DERPC: variants seen among roughly 807,000 people sequenced by gnomAD.
The protein encoded by DERPC is DERPC proline and glycine rich nuclear protein.
DERPC carries 1 observed loss-of-function variant against 7.2 expected under a neutral mutation model. The ratio of observed to expected loss-of-function variants is 0.14; its 90% CI spans 0.05 to 0.66. DERPC has a LOEUF of 0.66. Ranked by LOEUF, DERPC falls within the 30% of genes least tolerant of loss-of-function variation. The pLI, the probability that DERPC is intolerant of heterozygous loss-of-function variation, is 0.84. For synonymous variants in DERPC, 185 were observed against 117.6 expected (o/e 1.57, Z -3.71); for missense variants, 502 against 299.4 (o/e 1.68, Z -4.99).
chr16:69,118,066 C>A lies in DERPC; in HGVS notation c.*788G>T. 2.1e-6 allele frequency: 1 copy of A among 478,388 alleles called. No homozygotes were observed. The highest frequency in any genetic ancestry group is 2.7e-5 in the South Asian group (1 of 36,692). The allele number at this position is 478,388 out of a possible 1,614,324, so 29.6% of individuals were successfully genotyped here. On this transcript the variant is annotated 3_prime_UTR_variant, in exon 3 of 3. Coordinates refer to ENST00000519520, the MANE Select transcript of DERPC (RefSeq NM_001002847.4). The stretch of plus-strand genomic sequence containing the variant: ...AAGAAAAGATACAATGCAGGAAAAC[C>A]ACCAACCATCCTTGCACACCAGGCC...
chr16:69,130,930 C>G (rs1419006454), intron 1 of DERPC, among the ~76,000 whole-genome samples: 1 of 152,176 alleles, frequency 6.6e-6, no homozygotes, highest in East Asian at 1.9e-4. Flanking sequence ...GGTAATTTCT[C>G]TAAATATGAT....
chr16:69,124,893 G>A (rs1341448464), intron 1 of DERPC, among the ~76,000 whole-genome samples: 2 of 151,796 alleles, frequency 1.3e-5, no homozygotes, highest in African/African-American at 4.8e-5. Context: ...TTGGGAACAT[G>A]AAATTGGTCA....
chr16:69,130,853 CA>C (rs1266765721), intron 1 of DERPC, among the ~76,000 whole-genome samples: 2 of 152,188 alleles, frequency 1.3e-5, no homozygotes, highest in Non-Finnish European at 2.9e-5. Context: ...ATCAAGTTTT[CA>C]TAACAGTAGA....
intron 1 of DERPC, among the ~76,000 whole-genome samples, chr16:69,121,897 C>T (rs972746007): frequency 3.9e-5 from 6 of 152,188 alleles, no homozygotes; most frequent in Admixed American, 2.0e-4. Flanking sequence ...TCTCGATCTC[C>T]TGACCTCGTG....
At chr16:69,122,665 C>G in intron 1 of DERPC, among the ~76,000 whole-genome samples, 1 of 151,904 alleles carries the variant, frequency 6.6e-6, no homozygotes, top group Non-Finnish European at 1.5e-5. Context: ...TTCAGCCTCC[C>G]GAGCAGCTGG....
At position 69,118,329 on chromosome 16, in the gene DERPC, G is replaced by A. The variant is rs1961320769; in HGVS notation, c.*525C>T. The A allele has an allele frequency of 7.3e-7, 1 of 1,378,962 alleles. No homozygotes were observed. The highest frequency in any genetic ancestry group is 1.4e-5 in the African/African-American group (1 of 70,396). The allele number at this position is 1,378,962 out of a possible 1,614,324, so 85.4% of individuals were successfully genotyped here. A position where few individuals can be genotyped will look rare whatever the true frequency, so the allele number is the denominator to read the frequency against. ...CGGTGGGTCTTTCTTTGAAGTGGTT[G>A]TCCATCTCCCTGTTCTGTGTTCAAG... On this transcript the variant is annotated 3_prime_UTR_variant, in exon 3 of 3. Transcript: ENST00000519520.
intron 1 of DERPC, among the ~76,000 whole-genome samples, chr16:69,126,724 T>C (rs1962085588): frequency 6.6e-6 from 1 of 152,216 alleles, no homozygotes; most frequent in Admixed American, 6.5e-5. Context: ...TTACTACTAG[T>C]CAGGAACGTA....
intron 1 of DERPC, chr16:69,132,238 C>G (rs1962598386): frequency 6.7e-6 from 1 of 150,034 alleles, no homozygotes; most frequent in Non-Finnish European, 1.5e-5. Context: ...ACTCCTGGCC[C>G]TCCCACCCCG....
chr16:69,122,597 G>A (rs937130338), intron 1 of DERPC, among the ~76,000 whole-genome samples: 1 of 150,214 alleles, frequency 6.7e-6, no homozygotes, highest in Non-Finnish European at 1.5e-5. Context: ...CTGGAGTGCA[G>A]TGGCATGATC....
chr16:69,118,253 G>C lies in DERPC; in HGVS notation c.*601C>G. The stretch of plus-strand genomic sequence containing the variant: ...GGGCCTTAAATCTGGCCACCTCTAA[G>C]TCCCAGGAGAAGGGAGCTGCAGGCC... On this transcript the variant is annotated 3_prime_UTR_variant, in exon 3 of 3. Transcript: ENST00000519520. 1 of 751,704 alleles carries C rather than the reference G, an allele frequency of 1.3e-6. No individual in the cohort carries two copies. Among genetic ancestry groups the C allele is most frequent in the East Asian group, 2.7e-5 (1 of 36,920 alleles). 46.6% of individuals were successfully genotyped at this position (751,704 alleles called of 1,614,324 possible).
In DERPC at chr16:69,118,749, A is replaced by G. The variant is rs1380796331; in HGVS notation, c.*105T>C. 17 of 639,440 alleles carry G rather than the reference A, an allele frequency of 2.7e-5. No homozygotes were observed. The East Asian group carries it at 4.6e-4, about 17-fold the overall frequency. The allele number at this position is 639,440 out of a possible 1,614,324, so 39.6% of individuals were successfully genotyped here. Reference sequence around the variant, plus strand: ...GCTCATTTGAACTTGAGCCCAAGCTATGTTCTTCAGACTGTAGCTCCACAA... The same window carrying G: ...GCTCATTTGAACTTGAGCCCAAGCTGTGTTCTTCAGACTGTAGCTCCACAA... On this transcript the variant is annotated 3_prime_UTR_variant, in exon 3 of 3. Coordinates refer to ENST00000519520, the MANE Select transcript of DERPC (RefSeq NM_001002847.4).
rs148554708 is a variant in DERPC at position 69,122,264 on chromosome 16, G to C, written c.-279-771C>G. On this transcript the variant is annotated intron_variant, in intron 1 of 2. Coordinates refer to ENST00000519520, the MANE Select transcript of DERPC (RefSeq NM_001002847.4). ...CAACTGTATGTGCAAAACTAATTAA[G>C]ATCACATAGCTACTAAGGAAAAGAT... Among the ~76,000 whole-genome samples, 125 of 152,108 alleles carry C rather than the reference G, an allele frequency of 8.2e-4. 1 individual carries two copies. The East Asian group carries it at 0.022, about 27-fold the overall frequency.
intron 1 of DERPC, among the ~76,000 whole-genome samples, chr16:69,131,053 G>A (rs1173446529): frequency 6.6e-6 from 1 of 152,166 alleles, no homozygotes; most frequent in Non-Finnish European, 1.5e-5. Flanking sequence ...AACTGAAGGG[G>A]ACAGGTCTAT....
In DERPC at chr16:69,132,534, C is replaced by T. The variant is rs1361033327; in HGVS notation, c.-330G>A. ...CGCCGCGCGGCCAACGGGCGACAACCGAACCTCCCGCCGCCGTCGCCGCCG... is the reference window on the plus strand; with the variant it reads ...CGCCGCGCGGCCAACGGGCGACAACTGAACCTCCCGCCGCCGTCGCCGCCG... On this transcript the variant is annotated 5_prime_UTR_variant, in exon 1 of 3. Coordinates refer to ENST00000519520, the MANE Select transcript of DERPC (RefSeq NM_001002847.4). The T allele has an allele frequency of 2.9e-6, 1 of 348,972 alleles. No homozygotes were observed. 21.6% of individuals were successfully genotyped at this position (348,972 alleles called of 1,614,324 possible).
chr16:69,130,047 T>C (rs1962382069), intron 1 of DERPC, among the ~76,000 whole-genome samples: 1 of 152,268 alleles, frequency 6.6e-6, no homozygotes, highest in South Asian at 2.1e-4. Flanking sequence ...TTCATTTTAA[T>C]CTTCCACAGA....
chr16:69,118,383 ATGACCAGGTCCAAGC>A lies in DERPC; in HGVS notation c.*456_*470del. ...CCAGGGAAAGGTATGGCAGTAGAGG[ATGACCAGGTCCAAGC>A]TGCCCAGGTCAGAGCTACGGAAGCA... On this transcript the variant is annotated 3_prime_UTR_variant, in exon 3 of 3. Coordinates refer to ENST00000519520, the MANE Select transcript of DERPC (RefSeq NM_001002847.4). The A allele has an allele frequency of 6.2e-7, 1 of 1,612,080 alleles. No individual in the cohort carries two copies. The highest frequency in any genetic ancestry group is 2.2e-5 in the East Asian group (1 of 44,874).
Position 69,120,745 on chromosome 16 carries a change from C to T in DERPC, c.-221-96G>A, listed in dbSNP as rs1961592692. Reference sequence around the variant, plus strand: ...CTGCTCTTGGCAGGCTATGCTGGCACCTCCAATCCCTGGTCTGGCTCTGCC... The same window carrying T: ...CTGCTCTTGGCAGGCTATGCTGGCATCTCCAATCCCTGGTCTGGCTCTGCC... On this transcript the variant is annotated intron_variant, in intron 2 of 2. Transcript: ENST00000519520. The surrounding 1 kb of genome is among the most constrained non-coding windows in gnomAD (Gnocchi z 4.0). The T allele has an allele frequency of 9.6e-7, 1 of 1,037,202 alleles. No homozygotes were observed. The highest frequency in any genetic ancestry group is 2.1e-5 in the Admixed American group (1 of 47,234). The allele number at this position is 1,037,202 out of a possible 1,614,324, so 64.2% of individuals were successfully genotyped here. A position where few individuals can be genotyped will look rare whatever the true frequency, so the allele number is the denominator to read the frequency against.
Position 69,120,993 on chromosome 16 carries a change from A to C in DERPC, c.-221-344T>G. 1 of 1,421,522 alleles carries C rather than the reference A, an allele frequency of 7.0e-7. No individual in the cohort carries two copies. The highest frequency in any genetic ancestry group is 2.3e-5 in the East Asian group (1 of 44,026). 88.1% of individuals were successfully genotyped at this position (1,421,522 alleles called of 1,614,324 possible). ...AGTCCTCACTCTGGGTCCTGGGAGC[A>C]CCACCTTGGTGTAGCTTGCTTTCCT... On this transcript the variant is annotated intron_variant, in intron 2 of 2. Coordinates refer to ENST00000519520, the MANE Select transcript of DERPC (RefSeq NM_001002847.4). This position sits in a 1 kb window ranked among gnomAD's most constrained non-coding sequence, Gnocchi z 4.0.
chr16:69,121,289 T>C, intron 2 of DERPC, 147 bp downstream of exon 2: 1 of 1,242,642 alleles, frequency 8.0e-7, no homozygotes. Context: ...CTTGGGAAAT[T>C]GGGCAGTGCT....
Sources: allele counts gnomAD v4.1 joint callset (sites outside exome capture counted in the v4.1 genomes callset), GRCh38; gene constraint gnomAD v4.1.1; non-coding constraint Gnocchi (gnomAD v3.1); transcripts MANE v1.5; gene names NCBI Gene and HGNC (gene_info 2026-07-23, HGNC 2026-07-21).